The following DNAJC3 variants were observed in gnomAD, a reference collection of about 807,000 sequenced individuals.
DNAJC3 encodes the protein dnaJ homolog subfamily C member 3.
DNAJC3 carries 38 observed loss-of-function variants against 68.6 expected under a neutral mutation model. The ratio of observed to expected loss-of-function variants is 0.55; its 90% CI spans 0.43 to 0.73. DNAJC3 has a LOEUF of 0.73. DNAJC3 is among the 30% of genes least tolerant of loss of function. The probability of loss-of-function intolerance (pLI) is 0.00; values close to 1 mark genes in which losing one functional copy is unlikely to be tolerated. For synonymous variants in DNAJC3, 203 were observed against 204.0 expected (o/e 1.00, Z 0.04); for missense variants, 526 against 591.9 (o/e 0.89, Z 1.16).
chr13:95,764,671 T>TACACACAC (rs1882927447), intron 9 of DNAJC3, among the ~76,000 whole-genome samples: 2 of 122,572 alleles, frequency 1.6e-5, no homozygotes, highest in African/African-American at 7.0e-5. Context: ...TATATATATA[T>TACACACAC]ATATATATAT....
At chr13:95,766,698 A>ATT (rs777691887) in intron 9 of DNAJC3, among the ~76,000 whole-genome samples, 301 of 143,148 alleles carry the variant, frequency 2.1e-3, no homozygotes, top group African/African-American at 6.7e-3. Context: ...CAGTTATTCT[A>ATT]TTTTTTTTTT....
At chr13:95,720,527 T>A (rs1354455188) in intron 2 of DNAJC3, among the ~76,000 whole-genome samples, 7 of 152,194 alleles carry the variant, frequency 4.6e-5, no homozygotes, top group Non-Finnish European at 1.0e-4. Context: ...AATCATTCTA[T>A]GGCCAGTTCA....
chr13:95,729,223 G>T (rs34205636), intron 4 of DNAJC3, among the ~76,000 whole-genome samples: 42,396 of 72,468 alleles, frequency 0.59, 10,984 homozygotes, highest in Middle Eastern at 0.7. Context: ...CTTTTCCCCC[G>T]CCCTCTCCCT....
intron 1 of DNAJC3, among the ~76,000 whole-genome samples, chr13:95,700,788 T>A (rs1880564258): frequency 6.6e-6 from 1 of 152,194 alleles, no homozygotes; most frequent in South Asian, 2.1e-4. Flanking sequence ...TCTTATTTTT[T>A]CTGTGTTCAC....
At chr13:95,677,447 G>A (rs1879788556) in intron 1 of DNAJC3, 110 bp downstream of exon 1, 2 of 1,137,706 alleles carry the variant, frequency 1.8e-6, no homozygotes, top group African/African-American at 1.6e-5. Context: ...GGTGGGGCGA[G>A]CGCTGGGGGA....
chr13:95,732,467 A>C (rs1881744683), intron 4 of DNAJC3, among the ~76,000 whole-genome samples: 1 of 152,114 alleles, frequency 6.6e-6, no homozygotes, highest in Non-Finnish European at 1.5e-5. Context: ...TTAGATAGCT[A>C]TTAATAATAG....
chr13:95,683,903 A>C, intron 1 of DNAJC3, among the ~76,000 whole-genome samples: 1 of 141,316 alleles, frequency 7.1e-6, no homozygotes, highest in South Asian at 2.2e-4. Flanking sequence ...ACTGCACTCC[A>C]GCCTGGGTGA....
At chr13:95,712,049 G>A (rs1265423739) in intron 2 of DNAJC3, among the ~76,000 whole-genome samples, 1 of 152,134 alleles carries the variant, frequency 6.6e-6, no homozygotes, top group African/African-American at 2.4e-5. Flanking sequence ...TCTATTATAA[G>A]GATGTAAATT....
intron 4 of DNAJC3, among the ~76,000 whole-genome samples, chr13:95,734,142 C>T (rs369532579): frequency 5.3e-5 from 8 of 152,042 alleles, no homozygotes; most frequent in South Asian, 2.1e-4. Context: ...GAGTTTTATA[C>T]GGTGTGTTTT....
At chr13:95,759,991 A>G in intron 5 of DNAJC3, 49 bp from the exon 6 acceptor site, 1 of 1,480,258 alleles carries the variant, frequency 6.8e-7, no homozygotes, top group Non-Finnish European at 9.0e-7. Flanking sequence ...GCAACAATGA[A>G]TGTGCATAAT....
chr13:95,768,892 T>C (rs1883083268), intron 9 of DNAJC3, among the ~76,000 whole-genome samples: 1 of 152,086 alleles, frequency 6.6e-6, no homozygotes, highest in Non-Finnish European at 1.5e-5. Flanking sequence ...GGAGAATCAC[T>C]TGAACTCAGG....
intron 2 of DNAJC3, among the ~76,000 whole-genome samples, chr13:95,717,896 C>G (rs912057042): frequency 2.6e-5 from 4 of 152,144 alleles, no homozygotes; most frequent in African/African-American, 9.7e-5. Context: ...ACTAACGCAC[C>G]AGTCCAGTGT....
intron 1 of DNAJC3, among the ~76,000 whole-genome samples, chr13:95,699,008 G>A (rs1437827874): frequency 6.6e-6 from 1 of 152,176 alleles, no homozygotes; most frequent in Non-Finnish European, 1.5e-5. Flanking sequence ...GATTGCCCTG[G>A]CAGCAGCATA....
intron 1 of DNAJC3, chr13:95,695,615 C>T (rs1258349785): frequency 6.6e-6 from 1 of 152,180 alleles, no homozygotes; most frequent in Non-Finnish European, 1.5e-5. Context: ...CTTTTGTTAC[C>T]ATCGGACAGC....
intron 2 of DNAJC3, among the ~76,000 whole-genome samples, chr13:95,711,077 G>C (rs1880941189): frequency 6.6e-6 from 1 of 152,070 alleles, no homozygotes; most frequent in African/African-American, 2.4e-5. Context: ...AATGTAGTTA[G>C]GTTTTGGTTT....
intron 1 of DNAJC3, among the ~76,000 whole-genome samples, chr13:95,688,529 T>G (rs541717397): frequency 6.6e-6 from 1 of 152,198 alleles, no homozygotes; most frequent in East Asian, 1.9e-4. Context: ...GTTTTTTTTT[T>G]TTTTGAGACA....
At chr13:95,751,330 C>G (rs1882474752) in intron 4 of DNAJC3, among the ~76,000 whole-genome samples, 1 of 152,166 alleles carries the variant, frequency 6.6e-6, no homozygotes, top group South Asian at 2.1e-4. Context: ...ATGAACAATA[C>G]AGAGAAACTT....
intron 4 of DNAJC3, among the ~76,000 whole-genome samples, chr13:95,751,228 CCTGT>C (rs931572943): frequency 1.3e-5 from 2 of 152,082 alleles, no homozygotes; most frequent in African/African-American, 4.8e-5. Context: ...AGAGGGAGAC[CCTGT>C]CTAATTTAAC....
chr13:95,691,463 C>T (rs1422484901), intron 1 of DNAJC3, among the ~76,000 whole-genome samples: 7 of 151,870 alleles, frequency 4.6e-5, no homozygotes, highest in East Asian at 3.9e-4. Flanking sequence ...GATGGGCGGC[C>T]GGGCAGAGAT....
Sources: allele counts gnomAD v4.1 joint callset (sites outside exome capture counted in the v4.1 genomes callset), GRCh38; gene constraint gnomAD v4.1.1; transcripts MANE v1.5; gene names NCBI Gene and HGNC (gene_info 2026-07-23, HGNC 2026-07-21).